CFTR: variants seen among roughly 807,000 people sequenced by gnomAD.
CFTR encodes the protein CF transmembrane conductance regulator.
CFTR carries 181 observed loss-of-function variants against 171.6 expected under a neutral mutation model. The observed-to-expected ratio is 1.05, with a 90% CI of 0.93 to 1.19. The LOEUF (loss-of-function observed/expected upper bound fraction) is 1.19. CFTR is among the 50% of genes most tolerant of loss of function. The pLI is 0.00. For synonymous variants in CFTR, 583 were observed against 608.0 expected (o/e 0.96, Z 0.60); for missense variants, 1,968 against 1,734.7 (o/e 1.13, Z -2.39).
chr7:117,595,156 T>C lies in CFTR; in HGVS notation c.2619+98T>C, dbSNP rs947647529. On this transcript the variant is annotated intron_variant, in intron 15 of 26. Transcript: ENST00000003084. Reference sequence around the variant, plus strand: ...ATATGCACACACATAAATATGTATATATACACATGTATACATGTATAAGTA... The same window carrying C: ...ATATGCACACACATAAATATGTATACATACACATGTATACATGTATAAGTA... 5 of 873,884 alleles carry C rather than the reference T, an allele frequency of 5.7e-6. No individual in the cohort carries two copies. The African/African-American group carries it at 6.7e-5, about 12-fold the overall frequency. The allele number at this position is 873,884 out of a possible 1,614,324, so 54.1% of individuals were successfully genotyped here.
chr7:117,562,558 A>T (rs979257193), intron 11 of CFTR, among the ~76,000 whole-genome samples: 1 of 152,168 alleles, frequency 6.6e-6, no homozygotes, highest in African/African-American at 2.4e-5. Context: ...AAGTGATTCC[A>T]CTTTATGTCC....
intron 23 of CFTR, among the ~76,000 whole-genome samples, chr7:117,643,714 G>T (rs1309966843): frequency 6.6e-6 from 1 of 152,130 alleles, no homozygotes; most frequent in Non-Finnish European, 1.5e-5. Flanking sequence ...CATTAGGCAA[G>T]ATAAAAATGT....
chr7:117,659,392 G>A (rs1221111217), intron 24 of CFTR, among the ~76,000 whole-genome samples: 6 of 152,190 alleles, frequency 3.9e-5, no homozygotes, highest in African/African-American at 1.2e-4. Flanking sequence ...TGTATTTCCA[G>A]TGCCTAGAGT....
chr7:117,602,118 T>G lies in CFTR; in HGVS notation c.2620-708T>G, dbSNP rs1031881850. Among the ~76,000 whole-genome samples the G allele has an allele frequency of 3.3e-5, 5 of 152,204 alleles. No homozygotes were observed. The East Asian group carries it at 9.6e-4, about 29-fold the overall frequency. On this transcript the variant is annotated intron_variant, in intron 15 of 26. Transcript: ENST00000003084. ...TGTGATCTTGGCTCACTGCAACCTC[T>G]ACCTTCTGTGTTCAAGCAATTCTGG...
intron 9 of CFTR, among the ~76,000 whole-genome samples, chr7:117,542,668 C>A (rs1302704625): frequency 1.3e-5 from 2 of 152,072 alleles, no homozygotes; most frequent in East Asian, 3.8e-4. Flanking sequence ...GGAAATAATA[C>A]AGAGATCATA....
chr7:117,484,721 G>A (rs1338966897), intron 1 of CFTR, among the ~76,000 whole-genome samples: 4 of 151,106 alleles, frequency 2.6e-5, no homozygotes, highest in Admixed American at 6.6e-5. Flanking sequence ...CTTTGTATAT[G>A]TAAAATATCT....
At chr7:117,487,464 C>T (rs1798092840) in intron 1 of CFTR, among the ~76,000 whole-genome samples, 1 of 152,100 alleles carries the variant, frequency 6.6e-6, no homozygotes, top group Non-Finnish European at 1.5e-5. Flanking sequence ...CGGGACACAA[C>T]ATATGAGAGA....
intron 11 of CFTR, among the ~76,000 whole-genome samples, chr7:117,584,259 A>G (rs974008375): frequency 3.3e-5 from 5 of 152,150 alleles, no homozygotes; most frequent in African/African-American, 9.7e-5. Context: ...ACCAATGACT[A>G]TAAGAGTTTT....
chr7:117,626,869 T>C (rs959217104), intron 21 of CFTR, among the ~76,000 whole-genome samples: 1 of 152,054 alleles, frequency 6.6e-6, no homozygotes, highest in African/African-American at 2.4e-5. Flanking sequence ...AAATGTTACA[T>C]GAATAGATTT....
In CFTR at chr7:117,540,109, G is replaced by C; in HGVS notation, c.879G>C (p.Leu293=). ...TTATTGTTTTTTATAGAACAGAACT[G>C]AAACTGACTCGGAAGGCAGCCTATG... is the stretch of plus-strand genomic sequence containing the variant. The part of the protein sequence containing the change: ...KMIENLRQTE[L]KLTRKAAYVR... Residue 293 remains leucine, a synonymous_variant, in exon 8 of 27, where the codon CTG becomes CTC. Transcript: ENST00000003084. 1 of 1,612,798 alleles carries C rather than the reference G, an allele frequency of 6.2e-7. No individual in the cohort carries two copies. The highest frequency in any genetic ancestry group is 8.5e-7 in the Non-Finnish European group (1 of 1,178,934).
intron 1 of CFTR, among the ~76,000 whole-genome samples, chr7:117,489,145 A>G (rs1798118401): frequency 6.6e-6 from 1 of 152,142 alleles, no homozygotes; most frequent in Admixed American, 6.6e-5. Flanking sequence ...TAAGCTCAGC[A>G]CTTTATTATG....
At chr7:117,534,233 A>T in intron 4 of CFTR, 43 bp from the exon 5 acceptor site, 1 of 895,466 alleles carries the variant, frequency 1.1e-6, no homozygotes, top group Non-Finnish European at 1.9e-6. Flanking sequence ...ATATATTTGT[A>T]TTTTGTTTGT....
In CFTR at chr7:117,530,983, G is replaced by T. The variant is rs201958172; in HGVS notation, c.358G>T (p.Ala120Ser). The change falls in exon 4 of 27, where the codon GCG (alanine) becomes TCG (serine). Residue 120 changes from alanine to serine, a missense_variant. Physicochemically the swap from Ala to Ser is moderately conservative, Grantham distance 99. Coordinates refer to ENST00000003084, the MANE Select transcript of CFTR (RefSeq NM_000492.4). ...DPDNKEERSIAIYLGIGLCLL... is the reference protein window; with the variant it reads ...DPDNKEERSISIYLGIGLCLL... Reference sequence around the variant, plus strand: ...GGATAACAAGGAGGAACGCTCTATCGCGATTTATCTAGGCATAGGCTTATG... The same window carrying T: ...GGATAACAAGGAGGAACGCTCTATCTCGATTTATCTAGGCATAGGCTTATG... 1 of 1,613,638 alleles carries T rather than the reference G, an allele frequency of 6.2e-7. No homozygotes were observed. The highest frequency in any genetic ancestry group is 1.1e-5 in the South Asian group (1 of 91,058).
rs150639398 is a variant in CFTR at position 117,489,102 on chromosome 7, A to G, written c.53+8955A>G. 2.0e-3 allele frequency among the ~76,000 whole-genome samples: 301 copies of G among 152,230 alleles called. 1 individual carries two copies. Among genetic ancestry groups the G allele is most frequent in the Non-Finnish European group, 3.3e-3 (224 of 67,988 alleles). On this transcript the variant is annotated intron_variant, in intron 1 of 26. Transcript: ENST00000003084. ...ATATTTAGTCTGAAGTTTGTCTGAC[A>G]TACTAAGCAATGTAATTAAAGTAGA...
intron 10 of CFTR, among the ~76,000 whole-genome samples, chr7:117,553,335 G>A (rs886825259): frequency 1.3e-5 from 2 of 152,098 alleles, no homozygotes; most frequent in African/African-American, 4.8e-5. Context: ...TGACATTTGG[G>A]TTGTTTCCAA....
At chr7:117,625,043 A>G (rs1792631515) in intron 21 of CFTR, among the ~76,000 whole-genome samples, 1 of 152,136 alleles carries the variant, frequency 6.6e-6, no homozygotes, top group African/African-American at 2.4e-5. Flanking sequence ...CAGTAATGGC[A>G]TTTCAGTGGC....
chr7:117,530,949 C>T lies in CFTR; in HGVS notation c.324C>T (p.Ser108=). The change falls in exon 4 of 27, where the codon TCC becomes TCT. Residue 108 remains serine (S), a synonymous_variant. Transcript: ENST00000003084. ...TCTTACTGGGAAGAATCATAGCTTC[C>T]TATGACCCGGATAACAAGGAGGAAC... ...QPLLLGRIIA[S]YDPDNKEERS... The T allele has an allele frequency of 6.2e-7, 1 of 1,613,820 alleles. No individual in the cohort carries two copies. The highest frequency in any genetic ancestry group is 1.3e-5 in the African/African-American group (1 of 75,030).
chr7:117,546,859 C>T (rs1799155784), intron 9 of CFTR, among the ~76,000 whole-genome samples: 1 of 152,180 alleles, frequency 6.6e-6, no homozygotes, highest in Non-Finnish European at 1.5e-5. Context: ...TTTCTTAGTC[C>T]TGTGAAATCC....
At chr7:117,549,218 G>C (rs1820871) in intron 10 of CFTR, among the ~76,000 whole-genome samples, 4 of 151,770 alleles carry the variant, frequency 2.6e-5, no homozygotes, top group Non-Finnish European at 5.9e-5. Context: ...ATAAACAAAA[G>C]GTCTCCATTT....
Sources: gnomAD v4.1 joint callset for allele counts (sites outside exome capture counted in the v4.1 genomes callset) on GRCh38, gnomAD v4.1.1 for gene constraint, MANE v1.5 for transcripts, NCBI Gene and HGNC (gene_info 2026-07-23, HGNC 2026-07-21) for gene names.